Variants in MTMR8 observed in about 807,000 individuals in gnomAD.
MTMR8 encodes the protein myotubularin related protein 8, also known as phosphatidylinositol-3,5-bisphosphate 3-phosphatase MTMR8.
In MTMR8, 65 loss-of-function variants were observed where a neutral mutation model predicts 39.3. The observed-to-expected ratio is 1.65, with a 90% CI of 1.35 to 2.03. The LOEUF is 2.03. Ranked by LOEUF, MTMR8 falls within the 30% of genes most tolerant of loss-of-function variation. The probability of loss-of-function intolerance (pLI) is 0.00; values close to 1 mark genes in which losing one functional copy is unlikely to be tolerated. For missense variants in MTMR8, 777 were observed against 538.9 expected (o/e 1.44, Z -4.37); for synonymous variants, 245 against 185.2 (o/e 1.32, Z -2.62).
chrX:64,281,093 G>T (rs1931999663), intron 12 of MTMR8, among the ~76,000 whole-genome samples: 1 of 111,637 alleles, frequency 9.0e-6, no homozygotes, highest in African/African-American at 3.3e-5. Flanking sequence ...TGGATAGGAA[G>T]AATCAGTATC....
chrX:64,304,850 G>T (rs1431814192), intron 12 of MTMR8, among the ~76,000 whole-genome samples: 2 of 62,365 alleles, frequency 3.2e-5, no homozygotes, highest in East Asian at 1.5e-3. Flanking sequence ...AAGCTTGATG[G>T]ATCAAACATT....
intron 1 of MTMR8, among the ~76,000 whole-genome samples, chrX:64,366,716 C>A (rs1456341587): frequency 1.8e-5 from 2 of 111,329 alleles, no homozygotes; most frequent in African/African-American, 6.5e-5. Context: ...CAAGAGCAAA[C>A]ACATTCAAAA....
intron 12 of MTMR8, among the ~76,000 whole-genome samples, chrX:64,301,143 G>T (rs890449227): frequency 9.2e-6 from 1 of 109,268 alleles, no homozygotes; most frequent in Non-Finnish European, 1.9e-5. Context: ...GATTGGGGAA[G>T]TTCTCCTGGA....
At chrX:64,388,167 G>T (rs1403566618) in intron 1 of MTMR8, among the ~76,000 whole-genome samples, 2 of 111,803 alleles carry the variant, frequency 1.8e-5, no homozygotes, top group African/African-American at 6.5e-5. Context: ...TAACAAGTTA[G>T]ATGCACTGCA....
chrX:64,269,131 G>T (rs1602098572), intron 13 of MTMR8, 88 bp from the exon 14 acceptor site: 13 of 965,775 alleles, frequency 1.3e-5, no homozygotes, highest in Non-Finnish European at 1.6e-5. Context: ...AGATCCTATT[G>T]CTGTCACTTA....
At chrX:64,390,854 C>A (rs1455472953) in intron 1 of MTMR8, among the ~76,000 whole-genome samples, 1 of 111,003 alleles carries the variant, frequency 9.0e-6, no homozygotes, top group Non-Finnish European at 1.9e-5. Context: ...GATGAGGTTT[C>A]ACTATGTCAC....
Position 64,337,311 on chromosome X carries a change from C to T in MTMR8, c.1058G>A (p.Ser353Asn), listed in dbSNP as rs754160560. ...CCTATAAAATGGATCTAGGAGGATG[C>T]TAGCCACTGAGCAGACTTGTGCTGT... The part of the protein sequence containing the change: ...DRTAQVCSVA[S>N]ILLDPFYRTF... Residue 353 changes from serine to asparagine, a missense_variant, in exon 9 of 14, where the codon AGC becomes AAC. Physicochemically the swap from Ser to Asn is conservative, Grantham distance 46 (BLOSUM62 1). Coordinates refer to ENST00000374852, the MANE Select transcript of MTMR8 (RefSeq NM_017677.4). 1 of 1,208,040 alleles carries T rather than the reference C, an allele frequency of 8.3e-7. No individual in the cohort carries two copies. The highest frequency in any genetic ancestry group is 3.0e-5 in the East Asian group (1 of 33,672).
At chrX:64,317,111 C>CA (rs1203927676) in intron 12 of MTMR8, among the ~76,000 whole-genome samples, 8,163 of 45,814 alleles carry the variant, frequency 0.18, 879 homozygotes, top group African/African-American at 0.35. Flanking sequence ...GACTGTGTCT[C>CA]AAAAAAAAAA....
At chrX:64,321,356 AATAGATAGC>A (rs1922639415) in intron 12 of MTMR8, among the ~76,000 whole-genome samples, 1 of 112,247 alleles carries the variant, frequency 8.9e-6, no homozygotes, top group Non-Finnish European at 1.9e-5. Context: ...TATCTCACCA[AATAGATAGC>A]ATCAATAAAG....
rs1401167095 is a variant in MTMR8, at chrX:64,394,087, G to A, written c.24+1253C>T. Among the ~76,000 whole-genome samples the A allele has an allele frequency of 2.7e-5, 3 of 111,813 alleles. No homozygotes were observed. The East Asian group carries it at 8.4e-4, about 31-fold the overall frequency. ...CACAATTATGGAGGAAGGCAAGGAG[G>A]AGCAAGTCACATCTTACATGCATGG... On this transcript the variant is annotated intron_variant, in intron 1 of 13. Coordinates refer to ENST00000374852, the MANE Select transcript of MTMR8 (RefSeq NM_017677.4).
chrX:64,339,075 G>A (rs1923149728), intron 8 of MTMR8, among the ~76,000 whole-genome samples: 1 of 111,252 alleles, frequency 9.0e-6, no homozygotes, highest in Admixed American at 9.5e-5. Flanking sequence ...ATGTGGGTTT[G>A]AAGTTCAGGA....
chrX:64,341,479 CAAAAAAAAAAA>C lies in MTMR8; in HGVS notation c.975+2121_975+2131del, dbSNP rs758580930. On this transcript the variant is annotated intron_variant, in intron 8 of 13. Coordinates refer to ENST00000374852, the MANE Select transcript of MTMR8 (RefSeq NM_017677.4). Reference sequence around the variant, plus strand: ...GGGCAACAAGAGCAAAACTCTGTCTCAAAAAAAAAAAAAAAAAAAAAAAAGAGTATGCACAG... The same window carrying C: ...GGGCAACAAGAGCAAAACTCTGTCTCAAAAAAAAAAAAAGAGTATGCACAG... Among the ~76,000 whole-genome samples, 31 of 25,533 alleles carry C rather than the reference CAAAAAAAAAAA, an allele frequency of 1.2e-3. No homozygotes were observed. In the South Asian group the frequency reaches 0.052, roughly 43 times the overall value. The allele number at this position is 25,533 out of a possible 115,157, so 22.2% of individuals were successfully genotyped here.
At chrX:64,345,594 A>T (rs1484039168) in intron 6 of MTMR8, among the ~76,000 whole-genome samples, 4 of 111,716 alleles carry the variant, frequency 3.6e-5, no homozygotes, top group Non-Finnish European at 5.6e-5. Context: ...AAGCCTAAGA[A>T]CTTCAGGATG....
intron 12 of MTMR8, among the ~76,000 whole-genome samples, chrX:64,328,190 TA>T (rs958685353): frequency 3.6e-5 from 4 of 111,518 alleles, no homozygotes; most frequent in African/African-American, 1.3e-4. Flanking sequence ...CTCAACACTG[TA>T]CTGGAAGTTC....
chrX:64,329,560 A>G (rs1922889107), intron 11 of MTMR8, among the ~76,000 whole-genome samples: 1 of 111,492 alleles, frequency 9.0e-6, no homozygotes, highest in African/African-American at 3.3e-5. Flanking sequence ...CTTAACCAGT[A>G]AGCAAGTCCC....
intron 12 of MTMR8, among the ~76,000 whole-genome samples, chrX:64,320,599 G>A (rs189487487): frequency 9.1e-6 from 1 of 109,418 alleles, no homozygotes; most frequent in African/African-American, 3.3e-5. Flanking sequence ...ACTGAGGCAA[G>A]GGATAATAGA....
intron 1 of MTMR8, among the ~76,000 whole-genome samples, chrX:64,386,325 A>T (rs1253540178): frequency 8.9e-6 from 1 of 111,768 alleles, no homozygotes; most frequent in African/African-American, 3.3e-5. Flanking sequence ...GTGGCTGGAG[A>T]AGCAGATGCA....
intron 1 of MTMR8, among the ~76,000 whole-genome samples, chrX:64,365,680 G>A (rs1054647851): frequency 9.0e-6 from 1 of 111,473 alleles, no homozygotes; most frequent in Non-Finnish European, 1.9e-5. Context: ...AGATCATCGA[G>A]GCTAGGAAGA....
intron 12 of MTMR8, among the ~76,000 whole-genome samples, chrX:64,275,413 G>T (rs1331931172): frequency 8.2e-5 from 9 of 109,758 alleles, no homozygotes; most frequent in Non-Finnish European, 1.3e-4. Flanking sequence ...CTAAGAGGTG[G>T]GGCCAGGTGC....
Sources: allele counts gnomAD v4.1 joint callset (sites outside exome capture counted in the v4.1 genomes callset), GRCh38; gene constraint gnomAD v4.1.1; transcripts MANE v1.5; gene names NCBI Gene and HGNC (gene_info 2026-07-23, HGNC 2026-07-21).